The following MGAT5 variants were observed in gnomAD, a reference collection of about 807,000 sequenced individuals.
MGAT5 encodes the protein alpha-1,6-mannosylglycoprotein 6-beta-N-acetylglucosaminyltransferase, also known as alpha-1,6-mannosylglycoprotein 6-beta-N-acetylglucosaminyltransferase A.
In MGAT5, 30 loss-of-function variants were observed where a neutral mutation model predicts 94.3. That is an observed-to-expected ratio of 0.32 (90% CI 0.24 to 0.43). The LOEUF (loss-of-function observed/expected upper bound fraction) is 0.43. MGAT5 is among the 20% of genes least tolerant of loss of function. The pLI is 1.00. For synonymous variants in MGAT5, 310 were observed against 322.9 expected (o/e 0.96, Z 0.43); for missense variants, 691 against 905.5 (o/e 0.76, Z 3.04).
intron 15 of MGAT5, among the ~76,000 whole-genome samples, chr2:134,447,522 C>T (rs1323416925): frequency 2.0e-5 from 3 of 152,190 alleles, no homozygotes; most frequent in Non-Finnish European, 2.9e-5. Context: ...ACTCATTTGT[C>T]CAGGGCCACA....
chr2:134,242,702 C>T (rs149527330), intron 1 of MGAT5, among the ~76,000 whole-genome samples: 163 of 152,356 alleles, frequency 1.1e-3, no homozygotes, highest in African/African-American at 3.7e-3. Context: ...TACCTTTCCA[C>T]AGATGAGAGT....
Position 134,384,783 on chromosome 2 carries a change from G to A in MGAT5, c.1381-18205G>A, listed in dbSNP as rs537452062. ...CAAATCTACACATTTTTGAACAACA[G>A]CAGTTATAAAAATAACAATCCAAAT... On this transcript the variant is annotated intron_variant, in intron 10 of 15. Coordinates refer to ENST00000281923, the MANE Select transcript of MGAT5 (RefSeq NM_002410.5). Among the ~76,000 whole-genome samples the A allele has an allele frequency of 4.3e-4, 66 of 152,204 alleles. 1 individual carries two copies. In the South Asian group the frequency reaches 0.011, roughly 25 times the overall value.
intron 5 of MGAT5, among the ~76,000 whole-genome samples, chr2:134,337,655 C>A (rs542719849): frequency 3.4e-4 from 52 of 152,194 alleles, no homozygotes; most frequent in Non-Finnish European, 6.3e-4. Context: ...GAAAAATATT[C>A]TTCCTGGCTT....
At chr2:134,256,770 A>C (rs1427929102) in intron 1 of MGAT5, among the ~76,000 whole-genome samples, 1 of 152,236 alleles carries the variant, frequency 6.6e-6, no homozygotes, top group Non-Finnish European at 1.5e-5. Flanking sequence ...TAGCAAAATA[A>C]TTTGTCTTTT....
At chr2:134,162,843 A>G (rs759756562) in intron 1 of MGAT5, among the ~76,000 whole-genome samples, 1 of 152,250 alleles carries the variant, frequency 6.6e-6, no homozygotes, top group Non-Finnish European at 1.5e-5. Context: ...GCAATTTCAC[A>G]GAAGATGAAA....
intron 1 of MGAT5, among the ~76,000 whole-genome samples, chr2:134,156,656 G>A (rs563889763): frequency 2.8e-4 from 42 of 152,282 alleles, no homozygotes; most frequent in African/African-American, 9.9e-4. Context: ...GGCTCCCTGT[G>A]CCCCTTTTAC....
chr2:134,335,369 T>C (rs1043825285), intron 4 of MGAT5, among the ~76,000 whole-genome samples: 2 of 152,184 alleles, frequency 1.3e-5, no homozygotes, highest in African/African-American at 4.8e-5. Flanking sequence ...GATAATGCTG[T>C]CTTCAAATTT....
intron 8 of MGAT5, among the ~76,000 whole-genome samples, chr2:134,345,269 G>A (rs1688853491): frequency 6.6e-6 from 1 of 152,166 alleles, no homozygotes; most frequent in Non-Finnish European, 1.5e-5. Flanking sequence ...GAAAACAAGT[G>A]TCAACCTCCT....
chr2:134,247,363 AAAAAAAAAAAAC>A (rs1225681549), intron 1 of MGAT5, among the ~76,000 whole-genome samples: 2 of 147,612 alleles, frequency 1.4e-5, no homozygotes, highest in Non-Finnish European at 3.0e-5. Context: ...CTGAATTAAA[AAAAAAAAAAAAC>A]AAAAAAAAAA....
At chr2:134,277,428 G>GCC (rs1684446499) in intron 2 of MGAT5, among the ~76,000 whole-genome samples, 1 of 152,114 alleles carries the variant, frequency 6.6e-6, no homozygotes, top group South Asian at 2.1e-4. Context: ...GTCTTACATG[G>GCC]CGACAGGAGA....
At chr2:134,254,741 C>T (rs1682826682) in intron 1 of MGAT5, 97 bp downstream of exon 1, 1 of 1,487,734 alleles carries the variant, frequency 6.7e-7, no homozygotes, top group Admixed American at 2.1e-5. Context: ...GACTGAATGT[C>T]CTTTGCCACT....
chr2:134,418,212 A>C (rs529888920), intron 12 of MGAT5, among the ~76,000 whole-genome samples: 1 of 152,342 alleles, frequency 6.6e-6, no homozygotes, highest in Admixed American at 6.5e-5. Context: ...ATTGTTTTCT[A>C]TCAGTTGCCA....
At chr2:134,396,729 G>A (rs561115003) in intron 10 of MGAT5, among the ~76,000 whole-genome samples, 29 of 152,320 alleles carry the variant, frequency 1.9e-4, no homozygotes, top group South Asian at 1.7e-3. Context: ...CAGCCAGCTT[G>A]TATTTACTGA....
intron 1 of MGAT5, among the ~76,000 whole-genome samples, chr2:134,227,531 A>C (rs1462507719): frequency 6.6e-6 from 1 of 152,216 alleles, no homozygotes; most frequent in African/African-American, 2.4e-5. Flanking sequence ...TATTGCCTAA[A>C]ACAAATAAAA....
chr2:134,315,218 T>G (rs554488560), intron 2 of MGAT5, among the ~76,000 whole-genome samples: 2 of 152,234 alleles, frequency 1.3e-5, no homozygotes, highest in African/African-American at 4.8e-5. Flanking sequence ...CAGTGAATAT[T>G]TCAGGAGTAG....
intron 1 of MGAT5, among the ~76,000 whole-genome samples, chr2:134,137,764 TC>T (rs1157388895): frequency 2.0e-5 from 3 of 152,204 alleles, no homozygotes; most frequent in Admixed American, 2.0e-4. Context: ...GCTTCATTTT[TC>T]TATGTTATTG....
chr2:134,438,731 G>C (rs1046561294), intron 14 of MGAT5, among the ~76,000 whole-genome samples: 1 of 152,098 alleles, frequency 6.6e-6, no homozygotes, highest in African/African-American at 2.4e-5. Flanking sequence ...GTCATTTGAG[G>C]GTCTTCTGTC....
At chr2:134,375,917 A>G (rs1681140857) in intron 10 of MGAT5, among the ~76,000 whole-genome samples, 1 of 152,138 alleles carries the variant, frequency 6.6e-6, no homozygotes, top group Non-Finnish European at 1.5e-5. Flanking sequence ...GTGTTTCATG[A>G]CCACAGAGGT....
intron 13 of MGAT5, among the ~76,000 whole-genome samples, chr2:134,424,109 G>T (rs1446513906): frequency 6.6e-6 from 1 of 152,216 alleles, no homozygotes; most frequent in Non-Finnish European, 1.5e-5. Context: ...AGTCTTACAG[G>T]ATGAGGAGTA....
Sources: allele counts gnomAD v4.1 joint callset (sites outside exome capture counted in the v4.1 genomes callset), GRCh38; gene constraint gnomAD v4.1.1; transcripts MANE v1.5; gene names NCBI Gene and HGNC (gene_info 2026-07-23, HGNC 2026-07-21).